ESRRG: variants seen among roughly 807,000 people sequenced by gnomAD.
ESRRG encodes estrogen related receptor gamma.
ESRRG carries 13 observed loss-of-function variants against 44.0 expected under a neutral mutation model. The ratio of observed to expected loss-of-function variants is 0.30; its 90% CI spans 0.19 to 0.47. The LOEUF (loss-of-function observed/expected upper bound fraction) is 0.47, where lower values mean the gene tolerates loss of function less well. Among genes scored for constraint, ESRRG ranks in the 20% least tolerant of loss-of-function variants. The probability of loss-of-function intolerance (pLI) is 1.00; values close to 1 mark genes in which losing one functional copy is unlikely to be tolerated. For synonymous variants in ESRRG, 215 were observed against 214.6 expected, an observed-to-expected ratio of 1.00 and a Z score of -0.02; for missense variants, 395 against 580.6, an observed-to-expected ratio of 0.68 and a Z score of 3.29.
rs374094836 is a variant in ESRRG, at chr1:216,764,070, C to T, written c.-13-86579G>A. Among the ~76,000 whole-genome samples the T allele has an allele frequency of 2.0e-5, 3 of 152,210 alleles. No individual in the cohort carries two copies. In the South Asian group the frequency reaches 6.2e-4, roughly 32 times the overall value. On this transcript the variant is annotated intron_variant, in intron 2 of 7. Coordinates refer to the ESRRG transcript ENST00000359162. ...GTGGCTATCGGAATCTCCAGGGGCT[C>T]TTGTTAATCACACAAATTTCTGTGT...
chr1:216,574,922 C>T (rs531926729), intron 3 of ESRRG, among the ~76,000 whole-genome samples: 14 of 152,254 alleles, frequency 9.2e-5, no homozygotes, highest in Non-Finnish European at 1.5e-4. Context: ...CACCTCCCTC[C>T]TTCCCTTGGG....
chr1:217,021,250 A>G (rs1366313486), intron 1 of ESRRG, among the ~76,000 whole-genome samples: 6 of 152,212 alleles, frequency 3.9e-5, no homozygotes, highest in Non-Finnish European at 5.9e-5. Context: ...TGGATGGTTC[A>G]TGGTGAGCCA....
At position 216,588,186 on chromosome 1, in the gene ESRRG, G is replaced by A. The variant is rs145342819; in HGVS notation, c.590-20088C>T. Among the ~76,000 whole-genome samples the A allele has an allele frequency of 1.6e-4, 25 of 152,148 alleles. No individual in the cohort carries two copies. In the East Asian group the frequency reaches 4.3e-3, roughly 26 times the overall value. ...ACTTCACCTTTATTTTCAATCTAAC[G>A]ATTTAACTTGATGGATGTCCATTGA... On this transcript the variant is annotated intron_variant, in intron 3 of 6. Transcript: ENST00000408911.
At chr1:217,051,450 G>C (rs1225251060) in intron 1 of ESRRG, among the ~76,000 whole-genome samples, 1 of 152,134 alleles carries the variant, frequency 6.6e-6, no homozygotes, top group African/African-American at 2.4e-5. Context: ...CAAAAACTGA[G>C]AGGAAGCCAA....
intron 2 of ESRRG, among the ~76,000 whole-genome samples, chr1:216,795,959 C>T (rs2094460624): frequency 6.6e-6 from 1 of 152,080 alleles, no homozygotes; most frequent in Non-Finnish European, 1.5e-5. Flanking sequence ...AAGCAGGACT[C>T]TTCTCCCCAA....
chr1:216,951,933 A>G lies in ESRRG; in HGVS notation c.-105-12260T>C, dbSNP rs139825370. 5.4e-3 allele frequency among the ~76,000 whole-genome samples: 824 copies of G among 151,872 alleles called. 5 individuals are homozygous for G. Among genetic ancestry groups the G allele is most frequent in the African/African-American group, 0.019 (792 of 41,444 alleles). On this transcript the variant is annotated intron_variant, in intron 1 of 7. Transcript: ENST00000359162. ...ATATACATAAAGGTTCTGCACTTCT[A>G]TTTCCTACTCTTTCTTTAATTAACA... is the stretch of plus-strand genomic sequence containing the variant.
At chr1:216,817,625 A>G (rs1458417690) in intron 2 of ESRRG, among the ~76,000 whole-genome samples, 1 of 152,168 alleles carries the variant, frequency 6.6e-6, no homozygotes, top group East Asian at 1.9e-4. Flanking sequence ...CTAATATTCC[A>G]TTTTTTAATT....
chr1:216,667,613 G>GA (rs796469328), intron 2 of ESRRG, among the ~76,000 whole-genome samples: 35 of 148,904 alleles, frequency 2.4e-4, no homozygotes, highest in African/African-American at 8.7e-4. Context: ...TTGAATCCGG[G>GA]AGGCGGAGTT....
At chr1:216,769,318 T>A (rs1342743400) in intron 2 of ESRRG, among the ~76,000 whole-genome samples, 1 of 152,152 alleles carries the variant, frequency 6.6e-6, no homozygotes, top group African/African-American at 2.4e-5. Flanking sequence ...TATGAAGTAG[T>A]CATTGAATAA....
At chr1:216,960,191 T>G (rs1028961963) in intron 1 of ESRRG, among the ~76,000 whole-genome samples, 1 of 152,166 alleles carries the variant, frequency 6.6e-6, no homozygotes, top group Non-Finnish European at 1.5e-5. Context: ...TATGTACATA[T>G]TTTATGGTGT....
chr1:216,768,450 T>TTACC (rs1553592888), intron 2 of ESRRG, among the ~76,000 whole-genome samples: 1 of 114,686 alleles, frequency 8.7e-6, no homozygotes, highest in Non-Finnish European at 1.9e-5. Flanking sequence ...CTATCTATCA[T>TTACC]TATCTATCTA....
At chr1:216,655,044 T>C (rs2070103319) in intron 2 of ESRRG, among the ~76,000 whole-genome samples, 1 of 152,134 alleles carries the variant, frequency 6.6e-6, no homozygotes, top group African/African-American at 2.4e-5. Flanking sequence ...AATAATGATA[T>C]GAGAGTTTTA....
chr1:216,887,475 T>C (rs897661463), intron 2 of ESRRG, among the ~76,000 whole-genome samples: 3 of 152,234 alleles, frequency 2.0e-5, no homozygotes, highest in Non-Finnish European at 4.4e-5. Flanking sequence ...TACTCTTGGT[T>C]GTTAAACATG....
intron 2 of ESRRG, among the ~76,000 whole-genome samples, chr1:216,651,414 T>C (rs761701250): frequency 6.6e-6 from 1 of 152,212 alleles, no homozygotes; most frequent in Non-Finnish European, 1.5e-5. Context: ...AAATAGATTA[T>C]GTTCATGAAA....
At chr1:216,812,013 G>A (rs755148391) in intron 2 of ESRRG, among the ~76,000 whole-genome samples, 6 of 152,140 alleles carry the variant, frequency 3.9e-5, no homozygotes, top group Non-Finnish European at 5.9e-5. Context: ...TGTCAAATCA[G>A]GGAGGTCATT....
chr1:216,840,431 C>T (rs956418479), intron 2 of ESRRG, among the ~76,000 whole-genome samples: 2 of 152,150 alleles, frequency 1.3e-5, no homozygotes, highest in African/African-American at 4.8e-5. Context: ...TCTTCTACCA[C>T]TAAATCTTTC....
chr1:216,781,476 G>A (rs897376461), intron 2 of ESRRG, among the ~76,000 whole-genome samples: 1 of 152,134 alleles, frequency 6.6e-6, no homozygotes, highest in African/African-American at 2.4e-5. Context: ...TTACCTGTGT[G>A]AGCATATGCA....
At chr1:216,707,028 A>T (rs1322338247) in intron 1 of ESRRG, among the ~76,000 whole-genome samples, 2 of 152,198 alleles carry the variant, frequency 1.3e-5, no homozygotes, top group Admixed American at 1.3e-4. Context: ...GACAAAGACA[A>T]TAGCTGTGAG....
intron 2 of ESRRG, among the ~76,000 whole-genome samples, chr1:216,779,210 AAT>A (rs1349755423): frequency 1.7e-5 from 1 of 57,314 alleles, no homozygotes; most frequent in Admixed American, 3.2e-4. Context: ...TATAAATATA[AAT>A]ATATATTTAT....
Sources: gnomAD v4.1 joint callset for allele counts (sites outside exome capture counted in the v4.1 genomes callset) on GRCh38, gnomAD v4.1.1 for gene constraint, MANE v1.5 for transcripts, NCBI Gene and HGNC (gene_info 2026-07-23, HGNC 2026-07-21) for gene names.